ARSG: variants seen among roughly 807,000 people sequenced by gnomAD.
The protein encoded by ARSG is arylsulfatase G.
Under a neutral mutation model 50.5 loss-of-function variants are expected in ARSG, and 37 were observed. The ratio of observed to expected loss-of-function variants is 0.73; its 90% CI spans 0.56 to 0.96. The LOEUF (loss-of-function observed/expected upper bound fraction) is 0.96, where lower values mean the gene tolerates loss of function less well. Among genes scored for constraint, ARSG ranks in the 50% least tolerant of loss-of-function variants. The probability of loss-of-function intolerance (pLI) is 0.00; values close to 1 mark genes in which losing one functional copy is unlikely to be tolerated. For synonymous variants in ARSG, 225 were observed against 254.6 expected (o/e 0.88, Z 1.11); for missense variants, 629 against 675.3 (o/e 0.93, Z 0.76).
chr17:68,279,268 T>TA (rs2075619974), intron 1 of ARSG, among the ~76,000 whole-genome samples: 1 of 152,034 alleles, frequency 6.6e-6, no homozygotes, highest in Non-Finnish European at 1.5e-5. Context: ...GTGTTTGAGA[T>TA]ACCATAAGCG....
downstream of ARSG, chr17:68,422,125 CA>C: frequency 3.1e-6 from 1 of 327,104 alleles, no homozygotes; most frequent in Non-Finnish European, 5.8e-6. Context: ...ACTGCTCAAT[CA>C]CTATTAAAAA....
At chr17:68,383,961 C>G (rs974194047) in intron 8 of ARSG, among the ~76,000 whole-genome samples, 4 of 152,158 alleles carry the variant, frequency 2.6e-5, no homozygotes, top group Non-Finnish European at 5.9e-5. Flanking sequence ...TGAAAGAGTC[C>G]TAAGAATGCT....
chr17:68,408,082 G>A (rs1257330355), intron 11 of ARSG, among the ~76,000 whole-genome samples: 1 of 151,000 alleles, frequency 6.6e-6, no homozygotes, highest in Non-Finnish European at 1.5e-5. Context: ...AAACAAATGT[G>A]CACTAGCCTT....
intron 5 of ARSG, among the ~76,000 whole-genome samples, chr17:68,353,961 C>T (rs531991298): frequency 3.3e-5 from 5 of 150,604 alleles, no homozygotes; most frequent in East Asian, 1.9e-4. Flanking sequence ...CTCGGCTTCC[C>T]GAAATGCTGG....
intron 2 of ARSG, among the ~76,000 whole-genome samples, chr17:68,327,848 C>T (rs567549768): frequency 2.6e-5 from 4 of 152,198 alleles, no homozygotes; most frequent in Non-Finnish European, 4.4e-5. Flanking sequence ...GACCAATCAG[C>T]GTGCTACCAT....
At chr17:68,360,192 A>G (rs2079217221) in intron 6 of ARSG, among the ~76,000 whole-genome samples, 1 of 152,236 alleles carries the variant, frequency 6.6e-6, no homozygotes, top group Admixed American at 6.5e-5. Flanking sequence ...TTGTTAATTC[A>G]TTAGCTGGTT....
intron 11 of ARSG, among the ~76,000 whole-genome samples, chr17:68,402,290 G>A (rs1483095122): frequency 6.6e-6 from 1 of 152,052 alleles, no homozygotes; most frequent in Non-Finnish European, 1.5e-5. Context: ...TGTCGCCCAG[G>A]ATGGAGTGCA....
the ARSG span, among the ~76,000 whole-genome samples, chr17:68,447,303 A>C: frequency 6.6e-6 from 1 of 152,240 alleles, no homozygotes; most frequent in East Asian, 1.9e-4. Flanking sequence ...ATATTTCCTC[A>C]GTTCAATACA....
intron 2 of ARSG, among the ~76,000 whole-genome samples, chr17:68,308,988 G>A (rs868908046): frequency 4.6e-5 from 7 of 152,262 alleles, no homozygotes; most frequent in African/African-American, 1.2e-4. Context: ...GGCTCGGGCC[G>A]CACAGGAGCC....
chr17:68,264,673 G>C (rs1262424306), intron 1 of ARSG, among the ~76,000 whole-genome samples: 4 of 151,910 alleles, frequency 2.6e-5, no homozygotes, highest in African/African-American at 7.2e-5. Flanking sequence ...CCAACCTCAG[G>C]TGATCCACCC....
the ARSG span, chr17:68,434,564 C>T: frequency 6.2e-7 from 1 of 1,613,928 alleles, no homozygotes; most frequent in Non-Finnish European, 8.5e-7. Flanking sequence ...ACCTTTTCAT[C>T]CCTCTCCGGA....
intron 2 of ARSG, among the ~76,000 whole-genome samples, chr17:68,325,678 C>T (rs1437686191): frequency 6.6e-6 from 1 of 152,110 alleles, no homozygotes; most frequent in African/African-American, 2.4e-5. Context: ...TGAGAGCCTC[C>T]ATTTTTTCCT....
At chr17:68,450,691 C>T in the ARSG span, 1 of 1,571,856 alleles carries the variant, frequency 6.4e-7, no homozygotes, top group Non-Finnish European at 8.6e-7. Flanking sequence ...CTCCCGTTAG[C>T]AGAAGCTTTG....
rs551035108 is a variant in ARSG, at chr17:68,309,208, G to A, written c.218+1497G>A. Among the ~76,000 whole-genome samples, 843 of 152,334 alleles carry A rather than the reference G, an allele frequency of 5.5e-3. 6 individuals are homozygous for A. The highest frequency in any genetic ancestry group is 8.4e-3 in the Admixed American group (128 of 15,310). On this transcript the variant is annotated intron_variant, in intron 2 of 11. Transcript: ENST00000621439. ...AGGGCCAGCTGGCTGCTCCGAGTGC[G>A]GGGCCCGCCAAGCCCACGCCCACCC...
rs1333449417 is a variant in ARSG, at chr17:68,411,799, T to C, written c.1304-8390T>C. 2.7e-5 allele frequency among the ~76,000 whole-genome samples: 4 copies of C among 149,048 alleles called. 1 individual carries two copies. The highest frequency in any genetic ancestry group is 6.7e-5 in the Admixed American group (1 of 15,030). On this transcript the variant is annotated intron_variant, in intron 11 of 11. Coordinates refer to ENST00000621439, the MANE Select transcript of ARSG (RefSeq NM_001267727.2). ...TCACTCAGGACTTGCTTTATGAATC[T>C]GGGTGCTCCTGTATTGGGTGCATAT...
intron 1 of ARSG, among the ~76,000 whole-genome samples, chr17:68,260,424 G>A (rs557273166): frequency 3.4e-4 from 51 of 152,122 alleles, no homozygotes; most frequent in Middle Eastern, 3.2e-3. Flanking sequence ...AGTCATCTGG[G>A]GTTGCTCAAA....
chr17:68,406,133 C>T (rs181580859), intron 11 of ARSG, among the ~76,000 whole-genome samples: 1 of 152,292 alleles, frequency 6.6e-6, no homozygotes, highest in East Asian at 1.9e-4. Flanking sequence ...TCAGTGAGAA[C>T]ATACGATGTT....
intron 11 of ARSG, among the ~76,000 whole-genome samples, chr17:68,402,926 T>A (rs956809820): frequency 5.9e-5 from 9 of 152,238 alleles, no homozygotes; most frequent in African/African-American, 1.9e-4. Context: ...AACGCTACAA[T>A]TTTTAAGTAA....
the ARSG span, among the ~76,000 whole-genome samples, chr17:68,437,946 CT>C: frequency 0.057 from 4,332 of 75,646 alleles, 478 homozygotes; most frequent in Middle Eastern, 0.11. Flanking sequence ...AGACATCTCT[CT>C]TAAAAAAAAA....
Sources: allele counts gnomAD v4.1 joint callset (sites outside exome capture counted in the v4.1 genomes callset), GRCh38; gene constraint gnomAD v4.1.1; transcripts MANE v1.5; gene names NCBI Gene and HGNC (gene_info 2026-07-23, HGNC 2026-07-21).